Variants in MTMR6 observed in about 807,000 individuals in gnomAD.
The protein encoded by MTMR6 is myotubularin related protein 6, also known as phosphatidylinositol-3,5-bisphosphate 3-phosphatase MTMR6.
In MTMR6, 47 loss-of-function variants were observed where a neutral mutation model predicts 80.1. That is an observed-to-expected ratio of 0.59 (90% confidence interval 0.46 to 0.75). The LOEUF is 0.75. MTMR6 is among the 30% of genes least tolerant of loss of function. The pLI is 0.00. For missense variants in MTMR6, 629 were observed against 730.9 expected (o/e 0.86, Z 1.61); for synonymous variants, 254 against 253.0 (o/e 1.00, Z -0.04).
chr13:25,267,649 G>T, intron 3 of MTMR6, 130 bp downstream of exon 3: 1 of 832,934 alleles, frequency 1.2e-6, no homozygotes, highest in Non-Finnish European at 1.8e-6. Flanking sequence ...ATATGGGGGA[G>T]ATAGAGTACA....
rs550544787 is a variant in MTMR6 at position 25,276,348 on chromosome 13, A to T, written c.25-2161T>A. The stretch of plus-strand genomic sequence containing the variant: ...ATAATTTGTGTCCACATCATTCAGT[A>T]GAGTTTCAAATAGCTTCTCAGAAAA... On this transcript the variant is annotated intron_variant, in intron 1 of 13. Coordinates refer to ENST00000381801, the MANE Select transcript of MTMR6 (RefSeq NM_004685.5). 1.8e-4 allele frequency among the ~76,000 whole-genome samples: 28 copies of T among 152,370 alleles called. No homozygotes were observed. In the South Asian group the frequency reaches 4.8e-3, roughly 26 times the overall value.
In MTMR6 at chr13:25,274,089, A is replaced by C; in HGVS notation, c.123T>G (p.Ser41=). Residue 41 remains serine (S), a synonymous_variant, in exon 2 of 14, where the codon TCT becomes TCG. Coordinates refer to ENST00000381801, the MANE Select transcript of MTMR6 (RefSeq NM_004685.5). ...TCCTTACCCAGGTTTCTTTTTGATG[A>C]GAGTCGATAAATAATAGATGTGTAG... ...LTATHLLFID[S]HQKETWILHH... 1 of 1,604,280 alleles carries C rather than the reference A, an allele frequency of 6.2e-7. No individual in the cohort carries two copies. The highest frequency in any genetic ancestry group is 8.5e-7 in the Non-Finnish European group (1 of 1,173,128).
At position 25,258,605 on chromosome 13, in the gene MTMR6, C is replaced by T. The variant is rs758251074; in HGVS notation, c.814G>A (p.Glu272Lys). ...SNIRFQFVGI[E>K]NIHVMRSSLQ... Reference sequence around the variant, plus strand: ...CTGGACCTCATGACATGAATATTTTCAATTCCAACAAACTGAAATCTAATA... The same window carrying T: ...CTGGACCTCATGACATGAATATTTTTAATTCCAACAAACTGAAATCTAATA... Residue 272 changes from glutamate (E) to lysine (K), a missense_variant, in exon 7 of 14, where the codon GAA becomes AAA. Coordinates refer to ENST00000381801, the MANE Select transcript of MTMR6 (RefSeq NM_004685.5). 1 of 1,597,142 alleles carries T rather than the reference C, an allele frequency of 6.3e-7. No individual in the cohort carries two copies. Among genetic ancestry groups the T allele is most frequent in the Non-Finnish European group, 8.5e-7 (1 of 1,175,488 alleles).
chr13:25,249,435 G>A lies in MTMR6; in HGVS notation c.1663C>T (p.His555Tyr), dbSNP rs529419867. The change falls in exon 14 of 14, where the codon CAT (histidine) becomes TAT (tyrosine). Residue 555 changes from histidine to tyrosine, a missense_variant. Coordinates refer to ENST00000381801, the MANE Select transcript of MTMR6 (RefSeq NM_004685.5). ...TDGILTKELLHSVHPESPNLK... is the reference protein window; with the variant it reads ...TDGILTKELLYSVHPESPNLK... The stretch of plus-strand genomic sequence containing the variant: ...TTAGGTGATTCAGGATGAACTGAAT[G>A]TAACAATTCCTTGGTGAGGATGCCA... The A allele has an allele frequency of 2.5e-5, 40 of 1,613,956 alleles. 1 individual carries two copies. In the South Asian group the frequency reaches 3.8e-4, roughly 16 times the overall value.
chr13:25,257,942 AC>A, intron 7 of MTMR6, 97 bp from the exon 8 acceptor site: 1 of 740,260 alleles, frequency 1.4e-6, no homozygotes, highest in Non-Finnish European at 2.1e-6. Flanking sequence ...AAGAAAGAAG[AC>A]AAAATAAACA....
chr13:25,261,720 C>A lies in MTMR6; in HGVS notation c.674G>T (p.Ser225Ile). The A allele has an allele frequency of 6.2e-7, 1 of 1,613,846 alleles. No individual in the cohort carries two copies. Among genetic ancestry groups the A allele is most frequent in the Admixed American group, 1.7e-5 (1 of 60,004 alleles). Reference protein sequence around the residue: ...LEDEHLLQAISKANPVNRYMY... With the variant: ...LEDEHLLQAIIKANPVNRYMY... ...ATAGCGATTGACTGGATTGGCTTTA[C>A]TAATGGCTTGAAGCAAATGTTCATC... The change falls in exon 6 of 14, where the codon AGT becomes ATT. Residue 225 changes from serine (S) to isoleucine (I), a missense_variant. Coordinates refer to ENST00000381801, the MANE Select transcript of MTMR6 (RefSeq NM_004685.5).
intron 6 of MTMR6, chr13:25,260,729 G>A (rs1375374713): frequency 9.8e-7 from 1 of 1,019,202 alleles, no homozygotes; most frequent in Admixed American, 3.8e-5. Context: ...TTACCACTGA[G>A]GATTTTAATT....
At chr13:25,281,699 C>A (rs1222818328) in intron 1 of MTMR6, among the ~76,000 whole-genome samples, 1 of 152,182 alleles carries the variant, frequency 6.6e-6, no homozygotes, top group Non-Finnish European at 1.5e-5. Flanking sequence ...TATAGCCAGG[C>A]ACTCATCTAG....
At chr13:25,257,534 A>G (rs1566036263) in intron 8 of MTMR6, among the ~76,000 whole-genome samples, 1 of 152,212 alleles carries the variant, frequency 6.6e-6, no homozygotes, top group Non-Finnish European at 1.5e-5. Flanking sequence ...ATGCCACTTC[A>G]AAGTATTTAG....
In MTMR6 at chr13:25,274,075, G is replaced by C; in HGVS notation, c.137C>G (p.Thr46Ser). The C allele has an allele frequency of 6.3e-7, 1 of 1,577,558 alleles. No individual in the cohort carries two copies. The highest frequency in any genetic ancestry group is 2.2e-5 in the East Asian group (1 of 44,552). The change falls in exon 2 of 14, where the codon ACC becomes AGC. Residue 46 changes from threonine to serine, a missense_variant. By Grantham distance (58) the Thr-to-Ser change is moderately conservative (BLOSUM62 1). Coordinates refer to ENST00000381801, the MANE Select transcript of MTMR6 (RefSeq NM_004685.5). ...LLFIDSHQKE[T>S]WILHHHIASV... ...TACAGCTGCGGTCCTCCTTACCCAG[G>C]TTTCTTTTTGATGAGAGTCGATAAA...
intron 5 of MTMR6, among the ~76,000 whole-genome samples, chr13:25,264,753 C>CAAAAAAA (rs769719876): frequency 1.8e-4 from 6 of 33,458 alleles, no homozygotes; most frequent in Admixed American, 3.6e-4. Context: ...AACTCCATCT[C>CAAAAAAA]AAAAAAAAAA....
intron 1 of MTMR6, among the ~76,000 whole-genome samples, chr13:25,276,656 C>A (rs537843535): frequency 1.8e-3 from 274 of 152,292 alleles, no homozygotes; most frequent in Admixed American, 6.1e-3. Context: ...CACTATTACT[C>A]TTCCTCAGGG....
In MTMR6 at chr13:25,249,185, T is replaced by C; in HGVS notation, c.*47A>G. 1 of 1,588,572 alleles carries C rather than the reference T, an allele frequency of 6.3e-7. No individual in the cohort carries two copies. The highest frequency in any genetic ancestry group is 1.1e-5 in the South Asian group (1 of 88,376). ...TTATGCTTACAGACCATCCTCACAA[T>C]AATCCTTTTCTTGTACTGCAATCAT... On this transcript the variant is annotated 3_prime_UTR_variant, in exon 14 of 14. Transcript: ENST00000381801.
In MTMR6 at chr13:25,257,725, T is replaced by C; in HGVS notation, c.969+11A>G. On this transcript the variant is annotated intron_variant, in intron 8 of 13. Transcript: ENST00000381801. ...AGACCCCAAGACCAAATATGAAAGATAAAGTATTACTTTGGCCAAGAAGAT... is the reference window on the plus strand; with the variant it reads ...AGACCCCAAGACCAAATATGAAAGACAAAGTATTACTTTGGCCAAGAAGAT... 1 of 1,585,650 alleles carries C rather than the reference T, an allele frequency of 6.3e-7. No homozygotes were observed. Among genetic ancestry groups the C allele is most frequent in the South Asian group, 1.1e-5 (1 of 90,290 alleles).
intron 2 of MTMR6, among the ~76,000 whole-genome samples, chr13:25,271,837 T>C (rs1329828668): frequency 6.6e-6 from 1 of 152,180 alleles, no homozygotes; most frequent in East Asian, 1.9e-4. Context: ...GTGTGCTAAA[T>C]GAATTCTAAA....
intron 1 of MTMR6, among the ~76,000 whole-genome samples, chr13:25,284,917 G>T (rs370612443): frequency 1.3e-5 from 2 of 152,048 alleles, no homozygotes; most frequent in Non-Finnish European, 2.9e-5. Flanking sequence ...ATTTATTTGC[G>T]GTCTACATAC....
intron 1 of MTMR6, among the ~76,000 whole-genome samples, chr13:25,275,497 T>C (rs558179182): frequency 6.6e-6 from 1 of 152,198 alleles, no homozygotes; most frequent in East Asian, 1.9e-4. Context: ...TTAAATCGTT[T>C]ATATCTTCAA....
In MTMR6 at chr13:25,253,783, T is replaced by C. The variant is rs755003740; in HGVS notation, c.1327A>G (p.Lys443Glu). ...QFGNFLGNCQ[K>E]EREELKLKEK... ...TCTTACTTGAGCTCTTCTCTTTCCT[T>C]CTGACAATTTCCAAGGAAGTTTCCA... The change falls in exon 11 of 14, where the codon AAG (lysine) becomes GAG (glutamate). Residue 443 changes from lysine to glutamate, a missense_variant. By Grantham distance (56) the Lys-to-Glu change is moderately conservative (BLOSUM62 1). Coordinates refer to ENST00000381801, the MANE Select transcript of MTMR6 (RefSeq NM_004685.5). The C allele has an allele frequency of 1.4e-5, 23 of 1,613,974 alleles. 1 individual carries two copies. In the Middle Eastern group the frequency reaches 1.2e-3, roughly 81 times the overall value.
rs147512851 is a variant in MTMR6 at position 25,267,721 on chromosome 13, T to C, written c.304+58A>G. 99 of 1,482,454 alleles carry C rather than the reference T, an allele frequency of 6.7e-5. No homozygotes were observed. In the African/African-American group the frequency reaches 1.2e-3, roughly 18 times the overall value. 91.8% of individuals were successfully genotyped at this position (1,482,454 alleles called of 1,614,324 possible). A position where few individuals can be genotyped will look rare whatever the true frequency, so the allele number is the denominator to read the frequency against. ...AACAATAATAAAACATTAAATAAAG[T>C]ATCTTAGATAACCCATCTCAAATTG... On this transcript the variant is annotated intron_variant, in intron 3 of 13. Coordinates refer to ENST00000381801, the MANE Select transcript of MTMR6 (RefSeq NM_004685.5).
Sources: allele counts gnomAD v4.1 joint callset (sites outside exome capture counted in the v4.1 genomes callset), GRCh38; gene constraint gnomAD v4.1.1; transcripts MANE v1.5; gene names NCBI Gene and HGNC (gene_info 2026-07-23, HGNC 2026-07-21).